Variants in TCF7L2 observed in about 807,000 individuals in gnomAD.
The protein encoded by TCF7L2 is transcription factor 7 like 2, also known as transcription factor 7-like 2.
A neutral mutation model predicts 77.9 loss-of-function variants in TCF7L2; 23 were observed. The observed-to-expected ratio is 0.30, with a 90% CI of 0.21 to 0.42. The LOEUF is 0.42. Ranked by LOEUF, TCF7L2 falls within the 10% of genes least tolerant of loss-of-function variation. The pLI is 1.00. For synonymous variants in TCF7L2, 413 were observed against 340.2 expected, an observed-to-expected ratio of 1.21 and a Z score of -2.36; for missense variants, 654 against 793.1, an observed-to-expected ratio of 0.82 and a Z score of 2.11.
chr10:113,165,545 C>T lies in TCF7L2; in HGVS notation c.1392-10C>T, dbSNP rs1383890608. On this transcript the variant is annotated splice_polypyrimidine_tract_variant and intron_variant, in intron 13 of 13. Transcript: ENST00000627217. ...CTCTATTCACAGATAACTCTCTCCC[C>T]TGTTTCTAGGAGAAAAAAAAAGTGC... 3 of 1,613,148 alleles carry T rather than the reference C, an allele frequency of 1.9e-6. No homozygotes were observed. The highest frequency in any genetic ancestry group is 1.7e-6 in the Non-Finnish European group (2 of 1,179,558).
intron 4 of TCF7L2, among the ~76,000 whole-genome samples, chr10:112,965,627 ATATGTGTGTGTGTGTG>A (rs2036574703): frequency 1.5e-5 from 1 of 68,194 alleles, no homozygotes; most frequent in Non-Finnish European, 3.0e-5. Context: ...GTGTGTGTGT[ATATGTGTGTGTGTGTG>A]TGTGTGTGTG....
intron 5 of TCF7L2, among the ~76,000 whole-genome samples, chr10:113,067,301 AGAC>A (rs1227355092): frequency 6.6e-6 from 1 of 152,242 alleles, no homozygotes; most frequent in East Asian, 1.9e-4. Flanking sequence ...AATGAACAGC[AGAC>A]AACTGGCAGA....
At chr10:112,998,761 C>T (rs115626858) in intron 4 of TCF7L2, among the ~76,000 whole-genome samples, 2,937 of 152,296 alleles carry the variant, frequency 0.019, 108 homozygotes, top group African/African-American at 0.066. Context: ...TACATTTCAT[C>T]TCTTCGCTAT....
In TCF7L2 at chr10:113,074,652, G is replaced by A. The variant is rs145003494; in HGVS notation, c.552+34526G>A. Among the ~76,000 whole-genome samples the A allele has an allele frequency of 7.4e-3, 1,121 of 152,258 alleles. 10 individuals carry two copies. Among genetic ancestry groups the A allele is most frequent in the South Asian group, 0.027 (131 of 4,814 alleles). Reference sequence around the variant, plus strand: ...TTTCCTGATCTCGGTTGAGTATTTGGATTTGAATGGGATGGTTTTAATGTT... The same window carrying A: ...TTTCCTGATCTCGGTTGAGTATTTGAATTTGAATGGGATGGTTTTAATGTT... On this transcript the variant is annotated intron_variant, in intron 5 of 13. Transcript: ENST00000627217.
At chr10:113,000,193 G>T (rs932482566) in intron 4 of TCF7L2, among the ~76,000 whole-genome samples, 4 of 152,194 alleles carry the variant, frequency 2.6e-5, no homozygotes, top group East Asian at 1.9e-4. Flanking sequence ...TAGCCTTCCA[G>T]ATCTGAGACG....
chr10:113,080,481 G>C (rs749509724), intron 5 of TCF7L2, among the ~76,000 whole-genome samples: 1 of 152,124 alleles, frequency 6.6e-6, no homozygotes, highest in South Asian at 2.1e-4. Flanking sequence ...GGTTGCCAGC[G>C]AATGGGGCTG....
intron 5 of TCF7L2, among the ~76,000 whole-genome samples, chr10:113,100,799 G>A (rs991467440): frequency 6.6e-6 from 1 of 152,202 alleles, no homozygotes; most frequent in South Asian, 2.1e-4. Flanking sequence ...CCTTCGGCTG[G>A]GCGTGGTGGC....
intron 5 of TCF7L2, among the ~76,000 whole-genome samples, chr10:113,125,380 T>C (rs1167644278): frequency 6.6e-6 from 1 of 152,130 alleles, no homozygotes; most frequent in Non-Finnish European, 1.5e-5. Flanking sequence ...GTACCTCTTT[T>C]CTTTTTTTTC....
At chr10:113,071,885 C>T (rs1356159751) in intron 5 of TCF7L2, among the ~76,000 whole-genome samples, 1 of 152,218 alleles carries the variant, frequency 6.6e-6, no homozygotes, top group African/African-American at 2.4e-5. Context: ...AGGTCAGGGG[C>T]TGGCTGGGAC....
At chr10:112,989,612 C>T (rs2042167423) in intron 4 of TCF7L2, among the ~76,000 whole-genome samples, 1 of 152,160 alleles carries the variant, frequency 6.6e-6, no homozygotes, top group Non-Finnish European at 1.5e-5. Context: ...TGAGTGTCTG[C>T]ACAAGCCTTT....
At chr10:113,125,253 A>G (rs1188492481) in intron 5 of TCF7L2, among the ~76,000 whole-genome samples, 1 of 152,122 alleles carries the variant, frequency 6.6e-6, no homozygotes, top group Non-Finnish European at 1.5e-5. Context: ...GAAAAAAAAA[A>G]AAGTCGTCTT....
At chr10:113,072,648 C>T (rs2058172372) in intron 5 of TCF7L2, among the ~76,000 whole-genome samples, 1 of 152,226 alleles carries the variant, frequency 6.6e-6, no homozygotes, top group Admixed American at 6.5e-5. Flanking sequence ...AGCCACTACA[C>T]CCAGCCAATC....
At chr10:113,160,064 C>G (rs1168341371) in intron 12 of TCF7L2, 72 bp downstream of exon 14, 6 of 1,399,898 alleles carry the variant, frequency 4.3e-6, no homozygotes, top group Middle Eastern at 2.0e-4. Context: ...CCTTCTCTGG[C>G]CTGTTGCTTT....
At chr10:113,074,182 A>G (rs1474881071) in intron 5 of TCF7L2, among the ~76,000 whole-genome samples, 1 of 152,106 alleles carries the variant, frequency 6.6e-6, no homozygotes, top group East Asian at 1.9e-4. Flanking sequence ...GACTTACTTT[A>G]TGCAGAACAT....
intron 5 of TCF7L2, among the ~76,000 whole-genome samples, chr10:113,092,373 T>C (rs2060488698): frequency 6.6e-6 from 1 of 152,200 alleles, no homozygotes; most frequent in Non-Finnish European, 1.5e-5. Flanking sequence ...CCATCAGTGA[T>C]AAAGGTTCAC....
chr10:113,160,566 T>C (rs2137457435), intron 12 of TCF7L2: 1 of 1,511,476 alleles, frequency 6.6e-7, no homozygotes, highest in East Asian at 2.5e-5. Context: ...CACATCCAAC[T>C]GAGCACGACC....
At chr10:113,012,953 G>A (rs1336536256) in intron 4 of TCF7L2, among the ~76,000 whole-genome samples, 2 of 152,038 alleles carry the variant, frequency 1.3e-5, no homozygotes, top group African/African-American at 2.4e-5. Flanking sequence ...GAAACTTAAC[G>A]AACCCATGTG....
Position 113,144,088 on chromosome 10 carries a change from CTGTGTGTGTGTCTGTGTGTGTG to C in TCF7L2, c.788+75_788+96del, listed in dbSNP as rs1433449697. 679 of 1,261,792 alleles carry C rather than the reference CTGTGTGTGTGTCTGTGTGTGTG, an allele frequency of 5.4e-4. 4 individuals carry two copies. Among genetic ancestry groups the C allele is most frequent in the East Asian group, 3.7e-3 (149 of 39,912 alleles). The allele number at this position is 1,261,792 out of a possible 1,614,324, so 78.2% of individuals were successfully genotyped here. Reference sequence around the variant, plus strand: ...TACATGGGCATGTTTATTATTTATTCTGTGTGTGTGTCTGTGTGTGTGTGTGTGTGTGTGTGTGTGTGTGTGT... The same window carrying C: ...TACATGGGCATGTTTATTATTTATTCTGTGTGTGTGTGTGTGTGTGTGTGT... On this transcript the variant is annotated intron_variant, in intron 7 of 13. Coordinates refer to ENST00000627217, the MANE Select transcript of TCF7L2 (RefSeq NM_001146274.2).
intron 5 of TCF7L2, chr10:113,125,721 A>G (rs2065478477): frequency 6.6e-6 from 1 of 152,246 alleles, no homozygotes; most frequent in Admixed American, 6.5e-5. Flanking sequence ...CAAGGTGGCA[A>G]GATAATTTGT....
Sources: allele counts gnomAD v4.1 joint callset (sites outside exome capture counted in the v4.1 genomes callset), GRCh38; gene constraint gnomAD v4.1.1; transcripts MANE v1.5; gene names NCBI Gene and HGNC (gene_info 2026-07-23, HGNC 2026-07-21).